Variants in NRG3 observed in about 807,000 individuals in gnomAD.
NRG3 encodes the protein neuregulin 3, also known as pro-neuregulin-3, membrane-bound isoform.
Under a neutral mutation model 66.9 loss-of-function variants are expected in NRG3, and 31 were observed. The ratio of observed to expected loss-of-function variants is 0.46; its 90% confidence interval spans 0.35 to 0.63. NRG3 has a LOEUF of 0.63. NRG3 is among the 20% of genes least tolerant of loss of function. The probability of loss-of-function intolerance (pLI) is 0.00; values close to 1 mark genes in which losing one functional copy is unlikely to be tolerated. For missense variants in NRG3, 910 were observed against 878.9 expected (o/e 1.04, Z -0.45); for synonymous variants, 393 against 359.4 (o/e 1.09, Z -1.06).
At chr10:81,921,094 T>C (rs1391124837) in intron 1 of NRG3, among the ~76,000 whole-genome samples, 1 of 152,050 alleles carries the variant, frequency 6.6e-6, no homozygotes, top group Non-Finnish European at 1.5e-5. Flanking sequence ...TTATGTGAAA[T>C]GGGAATGTTT....
At chr10:82,454,605 T>TA (rs1329040033) in intron 2 of NRG3, among the ~76,000 whole-genome samples, 2 of 152,188 alleles carry the variant, frequency 1.3e-5, no homozygotes, top group African/African-American at 4.8e-5. Flanking sequence ...ACCATTCAGA[T>TA]AAAAAAAGTT....
At chr10:82,181,450 G>A (rs1041839073) in intron 1 of NRG3, among the ~76,000 whole-genome samples, 1 of 151,562 alleles carries the variant, frequency 6.6e-6, no homozygotes, top group Admixed American at 6.6e-5. Context: ...ATAAAATTGG[G>A]TATGCTGTGA....
At chr10:82,871,474 T>C (rs1841335397) in intron 4 of NRG3, among the ~76,000 whole-genome samples, 1 of 152,154 alleles carries the variant, frequency 6.6e-6, no homozygotes, top group Admixed American at 6.5e-5. Flanking sequence ...GGAATTTTTA[T>C]TGGAATTGCA....
intron 8 of NRG3, among the ~76,000 whole-genome samples, chr10:82,980,578 A>C (rs2132661898): frequency 6.6e-6 from 1 of 152,290 alleles, no homozygotes; most frequent in African/African-American, 2.4e-5. Context: ...ACAGAGCCTC[A>C]CGTTTCTCTT....
intron 2 of NRG3, among the ~76,000 whole-genome samples, chr10:82,671,785 G>A (rs1464353302): frequency 6.6e-6 from 1 of 152,266 alleles, no homozygotes; most frequent in African/African-American, 2.4e-5. Context: ...ATGCTCCAAT[G>A]TCACATGTGT....
At chr10:82,707,419 G>A (rs1480276499) in intron 2 of NRG3, among the ~76,000 whole-genome samples, 1 of 151,570 alleles carries the variant, frequency 6.6e-6, no homozygotes, top group Admixed American at 6.6e-5. Context: ...GGAGTGTAGT[G>A]GCACAAACAA....
At chr10:82,294,063 TGAG>T (rs1394397035) in intron 1 of NRG3, among the ~76,000 whole-genome samples, 7 of 152,120 alleles carry the variant, frequency 4.6e-5, no homozygotes, top group Non-Finnish European at 1.0e-4. Context: ...TCACCAAGGA[TGAG>T]AAGTATCCCA....
chr10:82,729,707 A>G (rs2057792731), intron 2 of NRG3, among the ~76,000 whole-genome samples: 1 of 152,218 alleles, frequency 6.6e-6, no homozygotes, highest in African/African-American at 2.4e-5. Flanking sequence ...CTCCAAGAAC[A>G]AATGTGTCAT....
intron 3 of NRG3, among the ~76,000 whole-genome samples, chr10:82,754,867 T>C (rs1467989697): frequency 2.0e-5 from 3 of 152,144 alleles, no homozygotes; most frequent in African/African-American, 7.2e-5. Flanking sequence ...ACATTACTAA[T>C]ATGTAAGGAG....
intron 2 of NRG3, among the ~76,000 whole-genome samples, chr10:82,488,191 A>T (rs1404170798): frequency 6.6e-6 from 1 of 152,206 alleles, no homozygotes; most frequent in Non-Finnish European, 1.5e-5. Flanking sequence ...AGTCATCAAC[A>T]AGTCATCCTT....
intron 4 of NRG3, among the ~76,000 whole-genome samples, chr10:82,908,467 T>A (rs1844974149): frequency 6.6e-6 from 1 of 152,204 alleles, no homozygotes; most frequent in Non-Finnish European, 1.5e-5. Flanking sequence ...AAAGCTTTAA[T>A]TCATTGTGTT....
At chr10:82,134,743 C>T (rs2132558028) in intron 1 of NRG3, among the ~76,000 whole-genome samples, 1 of 152,012 alleles carries the variant, frequency 6.6e-6, no homozygotes, top group Middle Eastern at 3.4e-3. Context: ...GCTATTCGGG[C>T]TCTTTTTTGG....
At chr10:82,060,587 T>A (rs568147823) in intron 1 of NRG3, among the ~76,000 whole-genome samples, 2 of 152,244 alleles carry the variant, frequency 1.3e-5, no homozygotes, top group Non-Finnish European at 2.9e-5. Flanking sequence ...TATCATCTGA[T>A]TAGCAATCTT....
intron 2 of NRG3, among the ~76,000 whole-genome samples, chr10:82,617,271 C>G (rs113203112): frequency 6.7e-6 from 1 of 149,322 alleles, no homozygotes; most frequent in African/African-American, 2.5e-5. Context: ...TACACACACA[C>G]AAACACAAAC....
intron 8 of NRG3, among the ~76,000 whole-genome samples, chr10:82,980,612 G>C (rs1029061270): frequency 6.6e-6 from 1 of 152,160 alleles, no homozygotes; most frequent in Non-Finnish European, 1.5e-5. Flanking sequence ...GGGATATATG[G>C]AGCAGTGTCC....
At chr10:82,882,729 C>T (rs568393019) in intron 4 of NRG3, among the ~76,000 whole-genome samples, 1 of 152,280 alleles carries the variant, frequency 6.6e-6, no homozygotes, top group East Asian at 1.9e-4. Context: ...GTCTACCACA[C>T]AGTTTCCCAG....
intron 1 of NRG3, among the ~76,000 whole-genome samples, chr10:82,016,427 G>A (rs890290361): frequency 2.0e-5 from 3 of 152,076 alleles, no homozygotes; most frequent in Admixed American, 6.6e-5. Context: ...ATGGCAGGCA[G>A]TAAGCATGCG....
chr10:81,936,513 G>A (rs1306122764), intron 1 of NRG3, among the ~76,000 whole-genome samples: 2 of 151,708 alleles, frequency 1.3e-5, no homozygotes, highest in Non-Finnish European at 2.9e-5. Flanking sequence ...GGGTCAGGAA[G>A]TAGACAGTGT....
intron 2 of NRG3, among the ~76,000 whole-genome samples, chr10:82,710,743 G>A (rs1178574428): frequency 6.7e-6 from 1 of 150,146 alleles, no homozygotes; most frequent in Admixed American, 6.6e-5. Context: ...TGACACAAAT[G>A]GGTCATTTGT....
Sources: gnomAD v4.1 joint callset for allele counts (sites outside exome capture counted in the v4.1 genomes callset) on GRCh38, gnomAD v4.1.1 for gene constraint, MANE v1.5 for transcripts, NCBI Gene and HGNC (gene_info 2026-07-23, HGNC 2026-07-21) for gene names.